Variants in SMTN observed in about 807,000 individuals in gnomAD.
SMTN encodes smoothelin.
In SMTN, 58 loss-of-function variants were observed where a neutral mutation model predicts 102.0. That is an observed-to-expected ratio of 0.57 (90% CI 0.46 to 0.71). SMTN has a LOEUF of 0.71. Ranked by LOEUF, SMTN falls within the 30% of genes least tolerant of loss-of-function variation. The probability of loss-of-function intolerance (pLI) is 0.00; values close to 1 mark genes in which losing one functional copy is unlikely to be tolerated. For synonymous variants in SMTN, 478 were observed against 497.9 expected, an observed-to-expected ratio of 0.96 and a Z score of 0.53; for missense variants, 1,185 against 1,241.7, an observed-to-expected ratio of 0.95 and a Z score of 0.69.
chr22:31,098,588 CCT>C, intron 16 of SMTN, 77 bp from the exon 17 acceptor site: 4 of 1,436,652 alleles, frequency 2.8e-6, no homozygotes, highest in Admixed American at 1.9e-5. Context: ...CAAGACCCCC[CCT>C]CCTCCTCGCG....
At chr22:31,101,073 C>T (rs2044052042) in intron 20 of SMTN, 24 bp downstream of exon 20, 1 of 1,568,948 alleles carries the variant, frequency 6.4e-7, no homozygotes, top group South Asian at 1.2e-5. Context: ...CCTCTACCAC[C>T]TGCCCCGTTT....
At chr22:31,078,033 G>C (rs62236123), upstream of SMTN, among the ~76,000 whole-genome samples, 8,222 of 152,298 alleles carry the variant, frequency 0.054, 252 homozygotes, top group African/African-American at 0.08. Flanking sequence ...CAACAAGGTC[G>C]TCACAATCCT....
chr22:31,081,132 CAA>C (rs1312722615), upstream of SMTN, among the ~76,000 whole-genome samples: 4 of 151,986 alleles, frequency 2.6e-5, no homozygotes, highest in African/African-American at 9.7e-5. Context: ...CAGACGACCC[CAA>C]GACTCCCAAT....
intron 20 of SMTN, chr22:31,102,525 A>T (rs2147828751): frequency 1.3e-5 from 2 of 152,514 alleles, no homozygotes; most frequent in Non-Finnish European, 2.9e-5. Flanking sequence ...GAGAAGGAGC[A>T]CAGATGAGTG....
chr22:31,099,480 A>G (rs1273195431), intron 18 of SMTN: 1 of 584,714 alleles, frequency 1.7e-6, no homozygotes, highest in Non-Finnish European at 3.0e-6. Flanking sequence ...CAATTTCTCT[A>G]AATGAGGGAA....
At chr22:31,101,121 G>A in intron 20 of SMTN, 72 bp downstream of exon 20, 2 of 1,412,180 alleles carry the variant, frequency 1.4e-6, no homozygotes, top group Non-Finnish European at 1.9e-6. Flanking sequence ...GAGGGTCCAG[G>A]GAGGCGGGTG....
intron 20 of SMTN, 98 bp from the exon 21 acceptor site, chr22:31,104,218 C>A: frequency 7.2e-7 from 1 of 1,381,618 alleles, no homozygotes; most frequent in Non-Finnish European, 1.0e-6. Flanking sequence ...TATGAAAGAC[C>A]AGCAGGCAAT....
At position 31,091,014 on chromosome 22, in the gene SMTN, C is replaced by G. The variant is rs781010893; in HGVS notation, c.991C>G (p.Arg331Gly). Residue 331 changes from arginine to glycine, a missense_variant, in exon 10 of 21, where the codon CGG becomes GGG. Transcript: ENST00000333137. The stretch of plus-strand genomic sequence containing the variant: ...CTCATTCCAGCGGGCTGGCTCTGTG[C>G]GGGATCGTGTCCACAAGTTCACATC... ...PSSFQRAGSV[R>G]DRVHKFTSDS... 6.2e-7 allele frequency: 1 copy of G among 1,613,986 alleles called. No individual in the cohort carries two copies. The highest frequency in any genetic ancestry group is 8.5e-7 in the Non-Finnish European group (1 of 1,179,952).
At position 31,097,386 on chromosome 22, in the gene SMTN, G is replaced by C. The variant is rs2043676510; in HGVS notation, c.2159+48G>C. 3 of 1,555,504 alleles carry C rather than the reference G, an allele frequency of 1.9e-6. No homozygotes were observed. The African/African-American group carries it at 4.1e-5, about 21-fold the overall frequency. On this transcript the variant is annotated intron_variant, in intron 16 of 20. Transcript: ENST00000333137. ...TGACCATAGAGGAGTCAGTGCCACA[G>C]GGGACCTAACTGCAAACCCGTTTTA...
Position 31,095,792 on chromosome 22 carries a change from C to T in SMTN, c.1861+183C>T. On this transcript the variant is annotated intron_variant, in intron 13 of 20. Coordinates refer to ENST00000333137, the MANE Select transcript of SMTN (RefSeq NM_134269.3). This position sits in a 1 kb window ranked among gnomAD's most constrained non-coding sequence, Gnocchi z 4.1. ...GATCCAGCTGCTCCTTCCCTAGCTC[C>T]TTCTCTCCCGCTGGTGACCCCAGTT... is the stretch of plus-strand genomic sequence containing the variant. 1.6e-6 allele frequency: 1 copy of T among 607,408 alleles called. No homozygotes were observed. Among genetic ancestry groups the T allele is most frequent in the Middle Eastern group, 4.4e-4 (1 of 2,298 alleles). 37.6% of individuals were successfully genotyped at this position (607,408 alleles called of 1,614,324 possible). A position where few individuals can be genotyped will look rare whatever the true frequency, so the allele number is the denominator to read the frequency against.
intron 1 of SMTN, among the ~76,000 whole-genome samples, chr22:31,068,714 CGAGACAAACCCAAGTCCCT>C (rs2041925196): frequency 6.6e-6 from 1 of 152,130 alleles, no homozygotes; most frequent in Admixed American, 6.5e-5. Context: ...CCGTGTTGAG[CGAGACAAACCCAAGTCCCT>C]GGCTTCTCAG....
chr22:31,088,367 G>A (rs542638885), intron 3 of SMTN, 146 bp from the exon 4 acceptor site: 1 of 792,136 alleles, frequency 1.3e-6, no homozygotes, highest in African/African-American at 1.7e-5. Context: ...ATGGGCATAT[G>A]TGTATCAGTG....
chr22:31,091,853 C>G lies in SMTN; in HGVS notation c.1632+6C>G. 1 of 1,562,432 alleles carries G rather than the reference C, an allele frequency of 6.4e-7. No individual in the cohort carries two copies. The highest frequency in any genetic ancestry group is 1.8e-5 in the Admixed American group (1 of 56,710). On this transcript the variant is annotated splice_donor_region_variant and intron_variant, in intron 11 of 20. Coordinates refer to ENST00000333137, the MANE Select transcript of SMTN (RefSeq NM_134269.3). ...GAGGAGGCTGCAGCATCAAGGTGAG[C>G]CCCTCCTCACCCCACCAGCCTCACC...
chr22:31,093,851 C>T, intron 11 of SMTN: 2 of 1,582,852 alleles, frequency 1.3e-6, no homozygotes, highest in Non-Finnish European at 1.7e-6. Context: ...CGCTCCTCCA[C>T]CGGCACCACC....
chr22:31,092,674 G>A (rs974409339), intron 11 of SMTN: 11 of 415,316 alleles, frequency 2.6e-5, no homozygotes, highest in Non-Finnish European at 5.1e-5. Flanking sequence ...GCAGGATCCA[G>A]CTGCCCTCTG....
chr22:31,090,626 G>C (rs75803893), intron 8 of SMTN, among the ~76,000 whole-genome samples, 182 bp from the exon 9 acceptor site: 1,539 of 152,234 alleles, frequency 0.01, 11 homozygotes, highest in Non-Finnish European at 0.016. Context: ...AGATGCAGCC[G>C]AGTGGGGATG....
chr22:31,091,228 A>G lies in SMTN; in HGVS notation c.1205A>G (p.Gln402Arg), dbSNP rs766080365. 4 of 1,610,392 alleles carry G rather than the reference A, an allele frequency of 2.5e-6. No individual in the cohort carries two copies. Among genetic ancestry groups the G allele is most frequent in the Non-Finnish European group, 3.4e-6 (4 of 1,178,654 alleles). The change falls in exon 10 of 21, where the codon CAG (glutamine) becomes CGG (arginine). Residue 402 changes from glutamine to arginine, a missense_variant. Physicochemically the swap from Gln to Arg is conservative, Grantham distance 43. Coordinates refer to ENST00000333137, the MANE Select transcript of SMTN (RefSeq NM_134269.3). ...RFSKEQRGVA[Q>R]PLAQLRSCPQ... ...AGCAAGGAGCAACGAGGAGTAGCCC[A>G]GCCCCTGGCCCAGCTTCGAAGCTGC...
chr22:31,080,407 G>A (rs1468356240), upstream of SMTN: 3 of 152,200 alleles, frequency 2.0e-5, no homozygotes, highest in Non-Finnish European at 4.4e-5. Flanking sequence ...CTGGTACATG[G>A]CAAGTACAAA....
Position 31,095,977 on chromosome 22 carries a change from A to C in SMTN, c.1861+368A>C. On this transcript the variant is annotated intron_variant, in intron 13 of 20. Transcript: ENST00000333137. The surrounding 1 kb of genome is among the most constrained non-coding windows in gnomAD (Gnocchi z 4.1). ...TGCTGCTCCTCTCTCCCTGAAGTCCATTGATGGCCATCTTAGCCTCTGCCC... is the reference window on the plus strand; with the variant it reads ...TGCTGCTCCTCTCTCCCTGAAGTCCCTTGATGGCCATCTTAGCCTCTGCCC... The C allele has an allele frequency of 2.9e-6, 1 of 341,184 alleles. No homozygotes were observed. The highest frequency in any genetic ancestry group is 2.9e-5 in the South Asian group (1 of 34,384). The allele number at this position is 341,184 out of a possible 1,614,324, so 21.1% of individuals were successfully genotyped here. A position where few individuals can be genotyped will look rare whatever the true frequency, so the allele number is the denominator to read the frequency against.
Sources: gnomAD v4.1 joint callset for allele counts (sites outside exome capture counted in the v4.1 genomes callset) on GRCh38, gnomAD v4.1.1 for gene constraint, Gnocchi (gnomAD v3.1) non-coding constraint, MANE v1.5 for transcripts, NCBI Gene and HGNC (gene_info 2026-07-23, HGNC 2026-07-21) for gene names.